Variants in CFAP95 observed in about 807,000 individuals in gnomAD.
The protein encoded by CFAP95 is cilia and flagella associated protein 95.
chr9:69,891,827 C>A, the CFAP95 span, among the ~76,000 whole-genome samples: 1 of 152,248 alleles, frequency 6.6e-6, no homozygotes, highest in Non-Finnish European at 1.5e-5. Flanking sequence ...TTATTCTTAA[C>A]CCTCCTGAAA....
the CFAP95 span, among the ~76,000 whole-genome samples, chr9:69,831,326 A>G: frequency 6.6e-6 from 1 of 152,222 alleles, no homozygotes; most frequent in African/African-American, 2.4e-5. Flanking sequence ...TTTTTTAAAC[A>G]TTTGGAAAAA....
the CFAP95 span, chr9:69,886,742 A>T: frequency 1.2e-6 from 1 of 867,890 alleles, no homozygotes; most frequent in Non-Finnish European, 1.8e-6. Flanking sequence ...ATCCTTCCTG[A>T]AATGTTTTTA....
the CFAP95 span, among the ~76,000 whole-genome samples, chr9:69,849,025 A>G: frequency 6.6e-6 from 1 of 152,200 alleles, no homozygotes; most frequent in Non-Finnish European, 1.5e-5. Context: ...CACTTGTTCA[A>G]TAAGCCAGTT....
chr9:69,837,139 A>G, the CFAP95 span, among the ~76,000 whole-genome samples: 5 of 152,196 alleles, frequency 3.3e-5, no homozygotes, highest in Non-Finnish European at 5.9e-5. Flanking sequence ...ATTGTTGGAC[A>G]TTCGGGTTGG....
At chr9:69,860,450 A>T in the CFAP95 span, among the ~76,000 whole-genome samples, 1 of 151,970 alleles carries the variant, frequency 6.6e-6, no homozygotes, top group African/African-American at 2.4e-5. Flanking sequence ...CATGACCCAA[A>T]CACCTCTCAT....
chr9:69,837,872 G>A, the CFAP95 span, among the ~76,000 whole-genome samples: 107 of 152,240 alleles, frequency 7.0e-4, no homozygotes, highest in African/African-American at 1.6e-3. Context: ...TAGGTCTAAC[G>A]TTTAAGTCTT....
chr9:69,881,488 G>T, the CFAP95 span, among the ~76,000 whole-genome samples: 1 of 152,062 alleles, frequency 6.6e-6, no homozygotes, highest in Admixed American at 6.6e-5. Context: ...GTGTGGATTT[G>T]TTTCTGGGTT....
At chr9:69,843,776 G>A in the CFAP95 span, among the ~76,000 whole-genome samples, 1 of 150,672 alleles carries the variant, frequency 6.6e-6, no homozygotes, top group Non-Finnish European at 1.5e-5. Flanking sequence ...GTGTAGCTGG[G>A]ACTACAGGCA....
the CFAP95 span, among the ~76,000 whole-genome samples, chr9:69,898,365 C>A: frequency 0.026 from 3,900 of 152,284 alleles, 165 homozygotes; most frequent in African/African-American, 0.088. Context: ...GATCCCTGCA[C>A]CTCTCATTTT....
chr9:69,858,388 G>A, the CFAP95 span, among the ~76,000 whole-genome samples: 4 of 152,160 alleles, frequency 2.6e-5, no homozygotes, highest in South Asian at 2.1e-4. Context: ...TTCCATAAAC[G>A]TGTTCTTTTC....
chr9:69,887,450 T>A, the CFAP95 span, among the ~76,000 whole-genome samples: 1 of 152,236 alleles, frequency 6.6e-6, no homozygotes, highest in Non-Finnish European at 1.5e-5. Context: ...TATTTTCCAA[T>A]AGTATAATTA....
chr9:69,895,369 C>CTG, the CFAP95 span, among the ~76,000 whole-genome samples: 239 of 107,906 alleles, frequency 2.2e-3, 2 homozygotes, highest in East Asian at 0.011. Context: ...CTCTCTCTCT[C>CTG]TGTGTGTGTG....
chr9:69,906,195 T>C, the CFAP95 span: 1 of 1,365,732 alleles, frequency 7.3e-7, no homozygotes, highest in Non-Finnish European at 1.0e-6. Flanking sequence ...CAGTTGATGA[T>C]TTTCTATCTT....
chr9:69,869,060 G>A, the CFAP95 span, among the ~76,000 whole-genome samples: 1 of 152,082 alleles, frequency 6.6e-6, no homozygotes, highest in Non-Finnish European at 1.5e-5. Flanking sequence ...GTGTAAAATG[G>A]TACAGACATT....
chr9:69,889,906 C>A, the CFAP95 span, among the ~76,000 whole-genome samples: 1 of 151,856 alleles, frequency 6.6e-6, no homozygotes, highest in African/African-American at 2.4e-5. Flanking sequence ...TATATTTTAT[C>A]CAAACTACAT....
At chr9:69,850,150 C>T in the CFAP95 span, among the ~76,000 whole-genome samples, 245 of 152,288 alleles carry the variant, frequency 1.6e-3, no homozygotes, top group African/African-American at 5.8e-3. Context: ...TGTTGAATCC[C>T]ATACACCTAG....
the CFAP95 span, chr9:69,884,964 CTGAGA>C: frequency 6.6e-6 from 1 of 152,162 alleles, no homozygotes; most frequent in African/African-American, 2.4e-5. Context: ...GAAGGGCTTG[CTGAGA>C]TATGTATTGC....
the CFAP95 span, among the ~76,000 whole-genome samples, chr9:69,855,858 G>C: frequency 2.5e-3 from 379 of 152,200 alleles, 1 homozygote; most frequent in African/African-American, 8.7e-3. Flanking sequence ...AAGTCTAGTG[G>C]TATTAATGTG....
At chr9:69,856,282 G>C in the CFAP95 span, among the ~76,000 whole-genome samples, 2 of 152,182 alleles carry the variant, frequency 1.3e-5, no homozygotes, top group Non-Finnish European at 2.9e-5. Flanking sequence ...GAAGGAAATA[G>C]AAAGTAGGTA....
Sources: gnomAD v4.1 joint callset for allele counts (sites outside exome capture counted in the v4.1 genomes callset) on GRCh38, gnomAD v4.1.1 for gene constraint, MANE v1.5 for transcripts, NCBI Gene and HGNC (gene_info 2026-07-23, HGNC 2026-07-21) for gene names.